Variants in DOCK7 observed in about 807,000 individuals in gnomAD.
DOCK7 encodes the protein dedicator of cytokinesis 7.
A neutral mutation model predicts 271.0 loss-of-function variants in DOCK7; 138 were observed. That is an observed-to-expected ratio of 0.51 (90% CI 0.44 to 0.59). The LOEUF (loss-of-function observed/expected upper bound fraction) is 0.59. DOCK7 is among the 20% of genes least tolerant of loss of function. The pLI, the probability that DOCK7 is intolerant of heterozygous loss-of-function variation, is 0.00. For synonymous variants in DOCK7, 823 were observed against 876.1 expected (o/e 0.94, Z 1.07); for missense variants, 2,066 against 2,592.4 (o/e 0.80, Z 4.41).
At chr1:62,649,211 G>A (rs1024299196) in intron 4 of DOCK7, among the ~76,000 whole-genome samples, 2 of 152,040 alleles carry the variant, frequency 1.3e-5, no homozygotes, top group African/African-American at 4.8e-5. Flanking sequence ...ATTATTGTTC[G>A]TGATTCAACA....
At chr1:62,473,654 A>C (rs965157028) in intron 48 of DOCK7, among the ~76,000 whole-genome samples, 4 of 151,928 alleles carry the variant, frequency 2.6e-5, no homozygotes, top group Non-Finnish European at 1.5e-5. Context: ...GTACAATCAT[A>C]GTTTACTACA....
rs1192197114 is a variant in DOCK7, at chr1:62,618,687, C to T, written c.1682+19G>A. 1.9e-6 allele frequency: 3 copies of T among 1,600,352 alleles called. No individual in the cohort carries two copies. The highest frequency in any genetic ancestry group is 2.6e-6 in the Non-Finnish European group (3 of 1,168,686). ...ATACAGTATCTTCTATCAGAATTCT[C>T]CAAATTAAAATCTCTTACCTGTAAG... On this transcript the variant is annotated intron_variant, in intron 14 of 49. Coordinates refer to ENST00000635253, the MANE Select transcript of DOCK7 (RefSeq NM_001367561.1).
At chr1:62,586,759 C>T (rs192413047) in intron 14 of DOCK7, 135 bp from the exon 15 acceptor site, 7 of 490,560 alleles carry the variant, frequency 1.4e-5, no homozygotes, top group African/African-American at 6.0e-5. Context: ...AGTATTTTCA[C>T]ATGTGACGTT....
At chr1:62,625,203 T>G (rs1325055987) in intron 12 of DOCK7, 56 bp downstream of exon 12, 4 of 1,589,846 alleles carry the variant, frequency 2.5e-6, no homozygotes, top group Non-Finnish European at 2.6e-6. Flanking sequence ...CTTTCTGAAA[T>G]TAAAAAAATT....
At chr1:62,563,458 A>G (rs993096563) in intron 18 of DOCK7, among the ~76,000 whole-genome samples, 1 of 152,240 alleles carries the variant, frequency 6.6e-6, no homozygotes, top group Admixed American at 6.5e-5. Context: ...TAAAGCAGGT[A>G]TCATTAAAAA....
intron 33 of DOCK7, 123 bp from the exon 34 acceptor site, chr1:62,510,796 C>A: frequency 2.9e-6 from 2 of 681,104 alleles, no homozygotes; most frequent in South Asian, 2.8e-5. Flanking sequence ...ATCCTCAGTA[C>A]AAGTTGAAAA....
At chr1:62,525,291 G>A (rs1024360714) in intron 31 of DOCK7, among the ~76,000 whole-genome samples, 1 of 151,990 alleles carries the variant, frequency 6.6e-6, no homozygotes, top group Admixed American at 6.6e-5. Context: ...TTACAGGCGT[G>A]AGCCACCATG....
intron 15 of DOCK7, chr1:62,584,925 G>T: frequency 1.5e-6 from 1 of 685,100 alleles, no homozygotes; most frequent in South Asian, 1.6e-5. Context: ...GAGTTTGTTA[G>T]GTAAACAATA....
Position 62,577,352 on chromosome 1 carries a change from C to T in DOCK7, c.2022G>A (p.Met674Ile). The T allele has an allele frequency of 1.3e-6, 2 of 1,567,524 alleles. No homozygotes were observed. Reference protein sequence around the residue: ...ETPVGYTWIPMLQNGRLKTGQ... With the variant: ...ETPVGYTWIPILQNGRLKTGQ... ...CAGTCTTCAACCGTCCATTCTGAAG[C>T]ATTGGTATCCACTTTTAAATGAAAA... Residue 674 changes from methionine (M) to isoleucine (I), a missense_variant, in exon 18 of 50, where the codon ATG (methionine) becomes ATA (isoleucine). Physicochemically the swap from Met to Ile is conservative, Grantham distance 10 (BLOSUM62 1). This residue lies in a region of DOCK7 where 1,414 missense variants were observed against 1,670.4 expected (regional missense o/e 0.85). Coordinates refer to ENST00000635253, the MANE Select transcript of DOCK7 (RefSeq NM_001367561.1).
chr1:62,543,875 C>A, intron 23 of DOCK7, 130 bp from the exon 24 acceptor site: 1 of 558,042 alleles, frequency 1.8e-6, no homozygotes, highest in Non-Finnish European at 3.1e-6. Flanking sequence ...TATTTTATTG[C>A]TCATCTCATT....
chr1:62,460,630 CA>C lies in DOCK7; in HGVS notation c.6213-2926del, dbSNP rs1557576360. Among the ~76,000 whole-genome samples, 7 of 151,492 alleles carry C rather than the reference CA, an allele frequency of 4.6e-5. No homozygotes were observed. The South Asian group carries it at 6.3e-4, about 14-fold the overall frequency. On this transcript the variant is annotated intron_variant, in intron 48 of 49. Coordinates refer to ENST00000635253, the MANE Select transcript of DOCK7 (RefSeq NM_001367561.1). Reference sequence around the variant, plus strand: ...ACACACACACACACACACACACACACACACACACACCCTCCAAGTATTTTTC... The same window carrying C: ...ACACACACACACACACACACACACACCACACACACCCTCCAAGTATTTTTC...
chr1:62,598,674 C>T, intron 14 of DOCK7: 1 of 1,394,236 alleles, frequency 7.2e-7, no homozygotes, highest in African/African-American at 1.4e-5. Flanking sequence ...CAACTTATAA[C>T]CAACCTACTC....
At chr1:62,500,042 C>A (rs1436421841) in intron 37 of DOCK7, among the ~76,000 whole-genome samples, 1 of 152,014 alleles carries the variant, frequency 6.6e-6, no homozygotes, top group African/African-American at 2.4e-5. Context: ...AAAATCCCAG[C>A]CAAAACACAT....
intron 23 of DOCK7, 113 bp downstream of exon 23, chr1:62,544,834 A>G (rs1645649098): frequency 9.0e-6 from 7 of 777,492 alleles, no homozygotes; most frequent in Non-Finnish European, 1.4e-5. Flanking sequence ...AAAAATACAC[A>G]CTTTTTAATG....
chr1:62,668,384 A>C (rs1378704950), intron 1 of DOCK7, among the ~76,000 whole-genome samples: 1 of 152,232 alleles, frequency 6.6e-6, no homozygotes, highest in Non-Finnish European at 1.5e-5. Context: ...AGATATAACC[A>C]AATGCAACAT....
chr1:62,592,688 G>A (rs1648632546), intron 14 of DOCK7, among the ~76,000 whole-genome samples: 2 of 152,106 alleles, frequency 1.3e-5, no homozygotes, highest in Admixed American at 1.3e-4. Flanking sequence ...CGGCAACAGA[G>A]ATGGCCAGCA....
intron 7 of DOCK7, among the ~76,000 whole-genome samples, chr1:62,636,983 A>G (rs1018968594): frequency 2.0e-5 from 3 of 152,214 alleles, no homozygotes; most frequent in African/African-American, 7.2e-5. Context: ...CAGATTATAA[A>G]TAATATATTC....
At chr1:62,664,492 T>C (rs926881555) in intron 1 of DOCK7, among the ~76,000 whole-genome samples, 1 of 152,192 alleles carries the variant, frequency 6.6e-6, no homozygotes, top group Non-Finnish European at 1.5e-5. Context: ...CATGTGGAAC[T>C]ACGAGTCCAT....
rs148406834 is a variant in DOCK7, at chr1:62,477,281, C to T, written c.5634+419G>A. ...AGGTGTGATTTCAGGCTTTTACGTT[C>T]TAAAGATACCTCACCTGGAACCAGT... On this transcript the variant is annotated intron_variant, in intron 44 of 49. Transcript: ENST00000635253. 2.0e-5 allele frequency among the ~76,000 whole-genome samples: 3 copies of T among 152,272 alleles called. No homozygotes were observed. In the East Asian group the frequency reaches 5.8e-4, roughly 29 times the overall value.
Sources: allele counts gnomAD v4.1 joint callset (sites outside exome capture counted in the v4.1 genomes callset), GRCh38; gene constraint gnomAD v4.1.1; regional missense constraint gnomAD v4.1.1; transcripts MANE v1.5; gene names NCBI Gene and HGNC (gene_info 2026-07-23, HGNC 2026-07-21).